Variants in ARHGAP32 observed in about 807,000 individuals in gnomAD.
ARHGAP32 encodes the protein rho GTPase-activating protein 32.
A neutral mutation model predicts 186.5 loss-of-function variants in ARHGAP32; 51 were observed. That is an observed-to-expected ratio of 0.27 (90% CI 0.22 to 0.35). ARHGAP32 has a LOEUF of 0.35. ARHGAP32 is among the 10% of genes least tolerant of loss of function. ARHGAP32 has a pLI of 1.00. For synonymous variants in ARHGAP32, 950 were observed against 964.3 expected (o/e 0.99, Z 0.27); for missense variants, 2,186 against 2,623.5 (o/e 0.83, Z 3.64).
rs941014322 is a variant in ARHGAP32 at position 129,129,421 on chromosome 11, G to A, written c.226-4527C>T. On this transcript the variant is annotated intron_variant, in intron 2 of 22. Coordinates refer to ENST00000682385, the MANE Select transcript of ARHGAP32 (RefSeq NM_001378024.1). The stretch of plus-strand genomic sequence containing the variant: ...GCCCAGTCCGGGAGGGAGGTAGGGG[G>A]CAGCCCCCGCCCAGCCACTGCCCCG... Among the ~76,000 whole-genome samples the A allele has an allele frequency of 1.5e-3, 226 of 146,246 alleles. 2 individuals are homozygous for A. The highest frequency in any genetic ancestry group is 6.4e-4 in the East Asian group (3 of 4,700).
intron 1 of ARHGAP32, among the ~76,000 whole-genome samples, chr11:129,237,188 C>T (rs901921245): frequency 2.6e-5 from 4 of 152,236 alleles, no homozygotes; most frequent in Non-Finnish European, 2.9e-5. Flanking sequence ...CAATGTTCAT[C>T]GGGGGTACTG....
intron 2 of ARHGAP32, among the ~76,000 whole-genome samples, chr11:129,140,685 G>A (rs1943032713): frequency 6.6e-6 from 1 of 152,190 alleles, no homozygotes; most frequent in Non-Finnish European, 1.5e-5. Context: ...CTATGCACTT[G>A]AAGGCAAATC....
chr11:129,124,496 T>C (rs1942611509), intron 3 of ARHGAP32, among the ~76,000 whole-genome samples: 1 of 152,122 alleles, frequency 6.6e-6, no homozygotes, highest in African/African-American at 2.4e-5. Flanking sequence ...AAAGCTGATA[T>C]TTCTGAATGA....
chr11:129,154,889 TAA>T (rs71057927), intron 2 of ARHGAP32, among the ~76,000 whole-genome samples: 2 of 151,500 alleles, frequency 1.3e-5, no homozygotes, highest in African/African-American at 4.9e-5. Flanking sequence ...AAATAACATT[TAA>T]AAAAAAATTG....
intron 6 of ARHGAP32, among the ~76,000 whole-genome samples, chr11:129,069,147 T>C (rs1940791040): frequency 6.6e-6 from 1 of 152,072 alleles, no homozygotes; most frequent in Non-Finnish European, 1.5e-5. Flanking sequence ...AGCACAAGTT[T>C]GCCAATGTCA....
intron 6 of ARHGAP32, among the ~76,000 whole-genome samples, chr11:129,091,883 A>C (rs886241571): frequency 6.6e-6 from 1 of 152,050 alleles, no homozygotes; most frequent in African/African-American, 2.4e-5. Context: ...CTTAGTTATA[A>C]AAAAGTATGA....
chr11:129,201,380 T>G (rs1200047843), intron 1 of ARHGAP32, among the ~76,000 whole-genome samples: 1 of 152,196 alleles, frequency 6.6e-6, no homozygotes, highest in East Asian at 1.9e-4. Context: ...GATCACTAAC[T>G]TTTCATTATT....
chr11:129,194,472 T>G (rs1191316087), upstream of ARHGAP32, among the ~76,000 whole-genome samples: 2 of 152,176 alleles, frequency 1.3e-5, no homozygotes, highest in African/African-American at 4.8e-5. Flanking sequence ...GGAATACTGT[T>G]AAGGCAAAGA....
intron 2 of ARHGAP32, among the ~76,000 whole-genome samples, chr11:129,135,178 A>G (rs2135413384): frequency 6.6e-6 from 1 of 152,350 alleles, no homozygotes; most frequent in Admixed American, 6.5e-5. Context: ...TTGGGAAACT[A>G]ATTCTAAAAA....
intron 6 of ARHGAP32, among the ~76,000 whole-genome samples, chr11:129,073,103 GA>G (rs752787585): frequency 3.3e-5 from 5 of 152,166 alleles, no homozygotes; most frequent in South Asian, 2.1e-4. Context: ...CTAATCACAG[GA>G]TTATGGAATG....
At chr11:129,165,615 G>GA (rs901197392) in intron 1 of ARHGAP32, among the ~76,000 whole-genome samples, 21 of 148,274 alleles carry the variant, frequency 1.4e-4, no homozygotes, top group African/African-American at 4.5e-4. Flanking sequence ...TGAAAATTGA[G>GA]AAAAAAAATA....
At chr11:129,200,468 G>A (rs1944444062) in intron 1 of ARHGAP32, among the ~76,000 whole-genome samples, 1 of 152,070 alleles carries the variant, frequency 6.6e-6, no homozygotes. Flanking sequence ...GTTTTACAAG[G>A]GGAAACCACT....
intron 13 of ARHGAP32, among the ~76,000 whole-genome samples, chr11:128,986,977 A>G (rs979921766): frequency 2.0e-5 from 3 of 152,310 alleles, no homozygotes; most frequent in African/African-American, 7.2e-5. Context: ...AGGACTCCTA[A>G]TTGCTAATGA....
chr11:129,110,911 C>T (rs1488780353), intron 5 of ARHGAP32, among the ~76,000 whole-genome samples: 1 of 152,052 alleles, frequency 6.6e-6, no homozygotes, highest in African/African-American at 2.4e-5. Context: ...AATTTAGATG[C>T]TTTTTTATTT....
chr11:129,219,760 CACAA>C (rs1348251185), intron 1 of ARHGAP32, among the ~76,000 whole-genome samples: 1 of 152,136 alleles, frequency 6.6e-6, no homozygotes, highest in African/African-American at 2.4e-5. Context: ...TTTTCTGCCA[CACAA>C]TTGTCTCCCA....
intron 6 of ARHGAP32, among the ~76,000 whole-genome samples, chr11:129,067,322 A>G (rs1440481868): frequency 2.0e-5 from 3 of 152,096 alleles, no homozygotes; most frequent in Non-Finnish European, 4.4e-5. Context: ...GTCTTCCTCT[A>G]TAAATATTTG....
intron 11 of ARHGAP32, among the ~76,000 whole-genome samples, chr11:129,012,218 A>G (rs1938117088): frequency 6.6e-6 from 1 of 152,242 alleles, no homozygotes; most frequent in Admixed American, 6.5e-5. Flanking sequence ...ACTATTGGTA[A>G]TAATATTGGT....
chr11:129,131,833 T>G, intron 2 of ARHGAP32, among the ~76,000 whole-genome samples: 1 of 152,202 alleles, frequency 6.6e-6, no homozygotes, highest in Non-Finnish European at 1.5e-5. Flanking sequence ...GTATAAAGTC[T>G]GTGGGGATAA....
intron 1 of ARHGAP32, among the ~76,000 whole-genome samples, chr11:129,181,381 A>T (rs1944051001): frequency 6.6e-6 from 1 of 152,104 alleles, no homozygotes; most frequent in South Asian, 2.1e-4. Flanking sequence ...GATATGTCCG[A>T]AGTGCTCAGT....
Sources: allele counts gnomAD v4.1 joint callset (sites outside exome capture counted in the v4.1 genomes callset), GRCh38; gene constraint gnomAD v4.1.1; transcripts MANE v1.5; gene names NCBI Gene and HGNC (gene_info 2026-07-23, HGNC 2026-07-21).